Variants in CCDC141 observed in about 807,000 individuals in gnomAD.
The protein encoded by CCDC141 is coiled-coil domain containing 141, also known as coiled-coil domain-containing protein 141.
In CCDC141, 168 loss-of-function variants were observed where a neutral mutation model predicts 181.0. The observed-to-expected ratio is 0.93, with a 90% CI of 0.82 to 1.05. The LOEUF is 1.05. CCDC141 is among the 50% of genes least tolerant of loss of function. CCDC141 has a pLI of 0.00. For synonymous variants in CCDC141, 666 were observed against 642.3 expected (o/e 1.04, Z -0.56); for missense variants, 1,902 against 1,788.5 (o/e 1.06, Z -1.14).
intron 11 of CCDC141, among the ~76,000 whole-genome samples, chr2:178,879,940 T>C (rs1686520847): frequency 6.6e-6 from 1 of 150,460 alleles, no homozygotes; most frequent in Non-Finnish European, 1.5e-5. Context: ...GACAGAGGGA[T>C]ATTCGTGCTG....
intron 5 of CCDC141, among the ~76,000 whole-genome samples, chr2:178,956,886 T>TC (rs1056350137): frequency 2.0e-5 from 3 of 151,506 alleles, no homozygotes; most frequent in African/African-American, 7.2e-5. Flanking sequence ...GAGAAAGCTT[T>TC]TTTTTTTTTT....
At chr2:178,968,820 A>G (rs1690749452) in intron 4 of CCDC141, among the ~76,000 whole-genome samples, 1 of 152,104 alleles carries the variant, frequency 6.6e-6, no homozygotes. Context: ...GAAAAGATCA[A>G]CAAAACAGAC....
chr2:178,886,772 C>G lies in CCDC141; in HGVS notation c.1507G>C (p.Glu503Gln), dbSNP rs1389017524. ...TTTACCTTAGCTTGGATATCTAGTT[C>G]CAGATATTTATTCAAAATCTTCTCT... ...ESEKILNKYLELDIQAKETSH... is the reference protein window; with the variant it reads ...ESEKILNKYLQLDIQAKETSH... Residue 503 changes from glutamate to glutamine, a missense_variant, in exon 10 of 24, where the codon GAA becomes CAA. Glu to Gln is a conservative substitution (Grantham distance 29). Transcript: ENST00000443758. 6.9e-7 allele frequency: 1 copy of G among 1,453,624 alleles called. No homozygotes were observed. The highest frequency in any genetic ancestry group is 2.5e-5 in the Admixed American group (1 of 39,552). 90.0% of individuals were successfully genotyped at this position (1,453,624 alleles called of 1,614,324 possible). A position where few individuals can be genotyped will look rare whatever the true frequency, so the allele number is the denominator to read the frequency against.
intron 2 of CCDC141, among the ~76,000 whole-genome samples, chr2:178,980,365 G>A (rs555187299): frequency 6.6e-6 from 1 of 152,188 alleles, no homozygotes; most frequent in African/African-American, 2.4e-5. Context: ...CAGGAGAATG[G>A]CATGAACCCA....
rs577629650 is a variant in CCDC141 at position 178,916,950 on chromosome 2, T to A, written c.1092+1763A>T. ...CTCTTCTTCTTCTTCTTTTTTTTTT[T>A]AAAAAAAAGGCTTTTGCAGGAGATA... On this transcript the variant is annotated intron_variant, in intron 7 of 23. Transcript: ENST00000443758. 6.1e-3 allele frequency among the ~76,000 whole-genome samples: 916 copies of A among 150,878 alleles called. 5 individuals carry two copies. The highest frequency in any genetic ancestry group is 0.014 in the African/African-American group (565 of 41,140).
At chr2:178,983,532 AT>A (rs1224410461) in intron 2 of CCDC141, among the ~76,000 whole-genome samples, 1 of 148,714 alleles carries the variant, frequency 6.7e-6, no homozygotes, top group African/African-American at 2.5e-5. Flanking sequence ...ACGGGAGGAC[AT>A]TCAAACCAAA....
At chr2:178,991,897 T>C (rs1309434055) in intron 2 of CCDC141, among the ~76,000 whole-genome samples, 1 of 151,928 alleles carries the variant, frequency 6.6e-6, no homozygotes, top group Non-Finnish European at 1.5e-5. Flanking sequence ...TTTTGGATTT[T>C]CTGCAAATAA....
intron 2 of CCDC141, among the ~76,000 whole-genome samples, chr2:179,005,021 C>T (rs34774808): frequency 0.015 from 2,307 of 152,238 alleles, 22 homozygotes; most frequent in Non-Finnish European, 0.026. Context: ...CATGAGCCAC[C>T]GCCCCCGGCC....
At chr2:179,040,150 C>T (rs1026873029) in intron 2 of CCDC141, among the ~76,000 whole-genome samples, 2 of 152,102 alleles carry the variant, frequency 1.3e-5, no homozygotes, top group Non-Finnish European at 2.9e-5. Context: ...TTCTTAGACC[C>T]ATGTGCAGGG....
chr2:178,988,291 G>A (rs1691853372), intron 2 of CCDC141, among the ~76,000 whole-genome samples: 1 of 142,366 alleles, frequency 7.0e-6, no homozygotes, highest in Admixed American at 7.5e-5. Context: ...GACACAGGAA[G>A]GGGAACATCA....
intron 2 of CCDC141, chr2:179,002,157 G>A (rs2042003151): frequency 4.1e-6 from 1 of 243,868 alleles, no homozygotes; most frequent in Non-Finnish European, 8.1e-6. Flanking sequence ...GGCCACAGAA[G>A]TAGCTGCTGA....
chr2:178,944,805 T>C (rs1365393204), intron 5 of CCDC141, among the ~76,000 whole-genome samples, 154 bp from the exon 6 acceptor site: 1 of 152,144 alleles, frequency 6.6e-6, no homozygotes, highest in Non-Finnish European at 1.5e-5. Flanking sequence ...TGAACAAGTT[T>C]AGAATTTTTT....
chr2:178,872,158 G>A lies in CCDC141; in HGVS notation c.2054C>T (p.Ala685Val). The change falls in exon 13 of 24, where the codon GCG (alanine) becomes GTG (valine). Residue 685 changes from alanine to valine, a missense_variant. Transcript: ENST00000443758. ...TESKPGKQQW[A>V]AFKEQLKKTS... ...CTTTTTAAGTTGCTCTTTGAATGCC[G>A]CCCACTGCTGTTTTCCAGGCTTGCT... 1 of 1,613,422 alleles carries A rather than the reference G, an allele frequency of 6.2e-7. No individual in the cohort carries two copies. Among genetic ancestry groups the A allele is most frequent in the Non-Finnish European group, 8.5e-7 (1 of 1,179,754 alleles).
At chr2:179,015,288 T>TATATGTATCATAC (rs2042444256) in intron 2 of CCDC141, among the ~76,000 whole-genome samples, 7 of 124,340 alleles carry the variant, frequency 5.6e-5, no homozygotes, top group Admixed American at 4.6e-4. Flanking sequence ...CTATCTCTCA[T>TATATGTATCATAC]ATATCTCATA....
chr2:179,002,851 G>T (rs1324291067), intron 2 of CCDC141: 2 of 152,956 alleles, frequency 1.3e-5, no homozygotes, highest in African/African-American at 2.4e-5. Context: ...ACACTGTAAT[G>T]AATGGGGTAA....
chr2:178,949,481 C>T (rs1452328772), intron 5 of CCDC141, among the ~76,000 whole-genome samples: 1 of 152,114 alleles, frequency 6.6e-6, no homozygotes, highest in Non-Finnish European at 1.5e-5. Context: ...AGAATTCATA[C>T]TATGCAATAT....
At chr2:178,937,559 G>C (rs1278446087) in intron 6 of CCDC141, among the ~76,000 whole-genome samples, 1 of 151,798 alleles carries the variant, frequency 6.6e-6, no homozygotes. Context: ...TTCATTTTTT[G>C]TTGTGTCTCT....
intron 6 of CCDC141, among the ~76,000 whole-genome samples, chr2:178,941,958 C>CAAAAAAAAAAA (rs66903231): frequency 2.8e-5 from 2 of 71,490 alleles, no homozygotes; most frequent in Admixed American, 2.3e-4. Context: ...GATCCCATCT[C>CAAAAAAAAAAA]AAAAAAAAAA....
intron 7 of CCDC141, among the ~76,000 whole-genome samples, chr2:178,907,702 A>G (rs1016343765): frequency 6.6e-6 from 1 of 152,196 alleles, no homozygotes; most frequent in Middle Eastern, 3.2e-3. Context: ...TGATGTTAGA[A>G]AAGATGATTA....
Sources: gnomAD v4.1 joint callset for allele counts (sites outside exome capture counted in the v4.1 genomes callset) on GRCh38, gnomAD v4.1.1 for gene constraint, MANE v1.5 for transcripts, NCBI Gene and HGNC (gene_info 2026-07-23, HGNC 2026-07-21) for gene names.